CTNNA2: variants seen among roughly 807,000 people sequenced by gnomAD.
CTNNA2 encodes the protein catenin alpha 2.
CTNNA2 carries 42 observed loss-of-function variants against 101.0 expected under a neutral mutation model. The ratio of observed to expected loss-of-function variants is 0.42; its 90% confidence interval spans 0.32 to 0.54. CTNNA2 has a LOEUF of 0.54. CTNNA2 is among the 20% of genes least tolerant of loss of function. The probability of loss-of-function intolerance (pLI) is 0.14; values close to 1 mark genes in which losing one functional copy is unlikely to be tolerated. For synonymous variants in CTNNA2, 450 were observed against 456.4 expected (o/e 0.99, Z 0.18); for missense variants, 871 against 1,223.1 (o/e 0.71, Z 4.29).
chr2:79,965,641 T>C (rs890713097), intron 7 of CTNNA2, among the ~76,000 whole-genome samples: 1 of 151,826 alleles, frequency 6.6e-6, no homozygotes, highest in East Asian at 1.9e-4. Flanking sequence ...CTGGTCAACA[T>C]AGAGAAACGC....
intron 1 of CTNNA2, among the ~76,000 whole-genome samples, chr2:79,630,588 A>T (rs1679623711): frequency 1.3e-5 from 2 of 152,378 alleles, no homozygotes; most frequent in East Asian, 3.9e-4. Context: ...ATAGTCCAGC[A>T]TAAAATACCC....
chr2:79,621,086 G>A (rs1558777667), intron 1 of CTNNA2, among the ~76,000 whole-genome samples: 3 of 152,126 alleles, frequency 2.0e-5, no homozygotes. Flanking sequence ...TTTTACATGT[G>A]TGGGTAAAAG....
At chr2:80,464,686 A>G (rs1334148282) in intron 9 of CTNNA2, among the ~76,000 whole-genome samples, 2 of 152,130 alleles carry the variant, frequency 1.3e-5, no homozygotes, top group African/African-American at 4.8e-5. Context: ...GGCATGCACA[A>G]TGTTCCTATA....
intron 9 of CTNNA2, among the ~76,000 whole-genome samples, chr2:80,432,503 A>C (rs1392226479): frequency 6.6e-5 from 10 of 152,224 alleles, no homozygotes; most frequent in Admixed American, 6.5e-4. Context: ...CAAAGTGTGA[A>C]TATCACACAT....
At chr2:79,888,879 A>G (rs1383944046) in intron 6 of CTNNA2, among the ~76,000 whole-genome samples, 1 of 152,170 alleles carries the variant, frequency 6.6e-6, no homozygotes, top group Non-Finnish European at 1.5e-5. Context: ...TATAATTTTG[A>G]TTGTCACTTA....
chr2:79,361,335 A>G (rs1368478069), intron 3 of CTNNA2, among the ~76,000 whole-genome samples: 1 of 152,204 alleles, frequency 6.6e-6, no homozygotes, highest in Non-Finnish European at 1.5e-5. Flanking sequence ...TGGATAAGTT[A>G]TGCTTCATCA....
intron 9 of CTNNA2, among the ~76,000 whole-genome samples, chr2:80,451,212 C>T (rs1240115913): frequency 1.3e-5 from 2 of 152,174 alleles, no homozygotes; most frequent in East Asian, 3.9e-4. Context: ...CCCATAATCC[C>T]CATGTCTCCT....
At chr2:80,578,016 G>A (rs539787456) in intron 13 of CTNNA2, among the ~76,000 whole-genome samples, 137 of 152,252 alleles carry the variant, frequency 9.0e-4, no homozygotes, top group Non-Finnish European at 1.6e-3. Context: ...TTCTCACTTT[G>A]TTTCTCTATA....
intron 7 of CTNNA2, among the ~76,000 whole-genome samples, chr2:79,915,946 A>G (rs899703082): frequency 1.3e-5 from 2 of 152,218 alleles, no homozygotes; most frequent in African/African-American, 4.8e-5. Context: ...TAACTTTGCC[A>G]TAGGAATTGC....
intron 6 of CTNNA2, among the ~76,000 whole-genome samples, chr2:79,877,176 C>T (rs929352816): frequency 3.3e-5 from 5 of 151,486 alleles, no homozygotes; most frequent in African/African-American, 4.9e-5. Flanking sequence ...TTACATAAAG[C>T]GTTATCTAAT....
intron 4 of CTNNA2, among the ~76,000 whole-genome samples, chr2:79,485,545 G>A (rs1431819636): frequency 2.6e-5 from 4 of 152,156 alleles, no homozygotes; most frequent in Admixed American, 2.0e-4. Context: ...CCAGATTAAA[G>A]AAAGGTCAAG....
At chr2:80,091,760 C>T (rs1699807317) in intron 7 of CTNNA2, among the ~76,000 whole-genome samples, 1 of 152,028 alleles carries the variant, frequency 6.6e-6, no homozygotes, top group African/African-American at 2.4e-5. Flanking sequence ...GAAATAGTTT[C>T]AGGTTTGAGC....
chr2:79,412,821 C>T (rs573240737), intron 4 of CTNNA2, among the ~76,000 whole-genome samples: 7 of 151,922 alleles, frequency 4.6e-5, no homozygotes, highest in East Asian at 1.9e-4. Context: ...TTAGAAGGCA[C>T]GGATATGAGC....
chr2:79,893,190 G>C (rs923212866), intron 6 of CTNNA2, among the ~76,000 whole-genome samples: 5 of 152,096 alleles, frequency 3.3e-5, no homozygotes, highest in Non-Finnish European at 2.9e-5. Flanking sequence ...CCTGTTAAGT[G>C]ATATCTTTTC....
intron 15 of CTNNA2, among the ~76,000 whole-genome samples, chr2:80,591,110 A>T (rs1696447381): frequency 6.6e-6 from 1 of 152,200 alleles, no homozygotes; most frequent in Non-Finnish European, 1.5e-5. Flanking sequence ...TCTCTAGATT[A>T]TATAACTGTG....
intron 1 of CTNNA2, among the ~76,000 whole-genome samples, chr2:79,188,536 G>T (rs921220140): frequency 1.3e-5 from 2 of 152,268 alleles, no homozygotes; most frequent in African/African-American, 4.8e-5. Flanking sequence ...GGATTGCATG[G>T]GAGAGGCAAC....
intron 12 of CTNNA2, among the ~76,000 whole-genome samples, chr2:80,569,376 C>G (rs1019559287): frequency 1.3e-5 from 2 of 152,134 alleles, no homozygotes; most frequent in African/African-American, 2.4e-5. Context: ...ATCACCCTTT[C>G]AGACATAAGC....
chr2:80,386,889 A>C (rs939554051), intron 7 of CTNNA2, among the ~76,000 whole-genome samples: 3 of 152,182 alleles, frequency 2.0e-5, no homozygotes, highest in Non-Finnish European at 4.4e-5. Flanking sequence ...GTACCCTGAA[A>C]CATGGTTGAT....
At chr2:80,452,068 G>T (rs1683565561) in intron 9 of CTNNA2, among the ~76,000 whole-genome samples, 1 of 152,074 alleles carries the variant, frequency 6.6e-6, no homozygotes, top group Non-Finnish European at 1.5e-5. Context: ...TGGTTCTTTT[G>T]TCCCTGGCAC....
Sources: gnomAD v4.1 joint callset for allele counts (sites outside exome capture counted in the v4.1 genomes callset) on GRCh38, gnomAD v4.1.1 for gene constraint, MANE v1.5 for transcripts, NCBI Gene and HGNC (gene_info 2026-07-23, HGNC 2026-07-21) for gene names.